Variants in RAB28 observed in about 807,000 individuals in gnomAD.
The protein encoded by RAB28 is ras-related protein Rab-28.
Under a neutral mutation model 31.7 loss-of-function variants are expected in RAB28, and 24 were observed. The ratio of observed to expected loss-of-function variants is 0.76; its 90% CI spans 0.55 to 1.06. The LOEUF (loss-of-function observed/expected upper bound fraction) is 1.06, where lower values mean the gene tolerates loss of function less well. Ranked by LOEUF, RAB28 falls within the 50% of genes least tolerant of loss-of-function variation. RAB28 has a pLI of 0.00. For synonymous variants in RAB28, 100 were observed against 90.4 expected (o/e 1.11, Z -0.60); for missense variants, 254 against 258.5 (o/e 0.98, Z 0.12).
intron 4 of RAB28, among the ~76,000 whole-genome samples, chr4:13,454,386 T>A (rs1210390923): frequency 1.3e-5 from 2 of 152,178 alleles, no homozygotes; most frequent in Non-Finnish European, 2.9e-5. Flanking sequence ...CCTTTAAAGG[T>A]GTCGTTTCCT....
chr4:13,392,259 T>C (rs10001262), intron 4 of RAB28, among the ~76,000 whole-genome samples: 7,974 of 152,212 alleles, frequency 0.052, 419 homozygotes, highest in African/African-American at 0.14. Flanking sequence ...CAGATTTTGA[T>C]GAGTAACAGG....
At chr4:13,407,122 G>C (rs1712144695) in intron 4 of RAB28, among the ~76,000 whole-genome samples, 1 of 152,174 alleles carries the variant, frequency 6.6e-6, no homozygotes, top group South Asian at 2.1e-4. Context: ...TTTTCTTCTA[G>C]GGTATTTATG....
At chr4:13,398,553 C>A (rs969605644) in intron 4 of RAB28, among the ~76,000 whole-genome samples, 5 of 152,080 alleles carry the variant, frequency 3.3e-5, no homozygotes, top group African/African-American at 1.2e-4. Flanking sequence ...CAAAGATGGG[C>A]GGATCACGAG....
At chr4:13,454,201 T>A (rs1172627125) in intron 4 of RAB28, among the ~76,000 whole-genome samples, 1 of 152,190 alleles carries the variant, frequency 6.6e-6, no homozygotes, top group African/African-American at 2.4e-5. Context: ...ATGGGTTATA[T>A]CCATCTCTCT....
chr4:13,444,482 A>G (rs552992001), intron 4 of RAB28, among the ~76,000 whole-genome samples: 71 of 152,264 alleles, frequency 4.7e-4, no homozygotes, highest in African/African-American at 1.4e-3. Context: ...GCTGCAATGA[A>G]CTTGGGAGTA....
intron 4 of RAB28, among the ~76,000 whole-genome samples, chr4:13,430,462 T>G (rs1713752205): frequency 6.6e-6 from 1 of 152,160 alleles, no homozygotes; most frequent in South Asian, 2.1e-4. Flanking sequence ...CTCACCTCTG[T>G]GACAGTCTGC....
Position 13,403,870 on chromosome 4 carries a change from A to G in RAB28, c.392-22276T>C, listed in dbSNP as rs538710202. 5.3e-5 allele frequency among the ~76,000 whole-genome samples: 8 copies of G among 152,354 alleles called. No homozygotes were observed. The East Asian group carries it at 1.5e-3, about 29-fold the overall frequency. On this transcript the variant is annotated intron_variant, in intron 4 of 6. Coordinates refer to ENST00000330852, the MANE Select transcript of RAB28 (RefSeq NM_001017979.3). Reference sequence around the variant, plus strand: ...AATTCCAACATAGTTATACATGTATAATCATCAAAATGCATTTAGCCAAAT... The same window carrying G: ...AATTCCAACATAGTTATACATGTATGATCATCAAAATGCATTTAGCCAAAT...
intron 6 of RAB28, among the ~76,000 whole-genome samples, chr4:13,369,083 T>A (rs1196489801): frequency 6.6e-6 from 1 of 152,302 alleles, no homozygotes; most frequent in Admixed American, 6.5e-5. Flanking sequence ...AAACTTTTCA[T>A]TGAATGTTTA....
chr4:13,439,059 C>T (rs1714277659), intron 4 of RAB28, among the ~76,000 whole-genome samples: 1 of 152,048 alleles, frequency 6.6e-6, no homozygotes, highest in African/African-American at 2.4e-5. Flanking sequence ...TACTTAATGG[C>T]TATTTGTATA....
At chr4:13,439,539 G>A (rs1333785535) in intron 4 of RAB28, among the ~76,000 whole-genome samples, 3 of 152,126 alleles carry the variant, frequency 2.0e-5, no homozygotes, top group Non-Finnish European at 4.4e-5. Context: ...TAGAGATGGG[G>A]TTTCACCATG....
chr4:13,446,596 G>T (rs1343613961), intron 4 of RAB28, among the ~76,000 whole-genome samples: 1 of 152,164 alleles, frequency 6.6e-6, no homozygotes, highest in Non-Finnish European at 1.5e-5. Context: ...TCCCTAGGCT[G>T]GGGGAGGGGG....
rs530241465 is a variant in RAB28, at chr4:13,405,301, G to A, written c.392-23707C>T. On this transcript the variant is annotated intron_variant, in intron 4 of 6. Transcript: ENST00000330852. ...GCTTATTTAAAATTAAGCCCGAGAAGTGTATCTCATGGGTGCAATATGTTC... is the reference window on the plus strand; with the variant it reads ...GCTTATTTAAAATTAAGCCCGAGAAATGTATCTCATGGGTGCAATATGTTC... Among the ~76,000 whole-genome samples the A allele has an allele frequency of 3.3e-5, 5 of 152,262 alleles. No individual in the cohort carries two copies. In the South Asian group the frequency reaches 1.0e-3, roughly 32 times the overall value.
chr4:13,466,893 T>C (rs1386955626), intron 3 of RAB28, among the ~76,000 whole-genome samples: 1 of 151,966 alleles, frequency 6.6e-6, no homozygotes, highest in African/African-American at 2.4e-5. Context: ...TGAATGGAAT[T>C]GGAAAACATT....
At chr4:13,409,187 C>T (rs1712277409) in intron 4 of RAB28, among the ~76,000 whole-genome samples, 2 of 152,034 alleles carry the variant, frequency 1.3e-5, no homozygotes, top group Non-Finnish European at 2.9e-5. Flanking sequence ...CCAAGTCACC[C>T]TCAAAAAGCA....
intron 4 of RAB28, among the ~76,000 whole-genome samples, chr4:13,400,010 A>C (rs1711657318): frequency 6.6e-6 from 1 of 152,202 alleles, no homozygotes. Context: ...TGCCATTAAC[A>C]TTGTAGCCCT....
chr4:13,397,901 A>G (rs1389256576), intron 4 of RAB28, among the ~76,000 whole-genome samples: 1 of 152,124 alleles, frequency 6.6e-6, no homozygotes, highest in Admixed American at 6.5e-5. Context: ...ACATATCCAC[A>G]AACCAACCTA....
intron 4 of RAB28, among the ~76,000 whole-genome samples, chr4:13,389,364 A>T (rs377304147): frequency 6.6e-6 from 1 of 152,148 alleles, no homozygotes; most frequent in Non-Finnish European, 1.5e-5. Flanking sequence ...AAGATGAAAA[A>T]GTTCTGAAGA....
intron 4 of RAB28, among the ~76,000 whole-genome samples, chr4:13,410,367 T>C (rs1208076738): frequency 6.6e-6 from 1 of 152,134 alleles, no homozygotes; most frequent in African/African-American, 2.4e-5. Context: ...ATAAGGGTCT[T>C]AGTTTGCCAA....
intron 4 of RAB28, among the ~76,000 whole-genome samples, chr4:13,447,548 T>G (rs1006392314): frequency 6.6e-6 from 1 of 152,140 alleles, no homozygotes; most frequent in Non-Finnish European, 1.5e-5. Flanking sequence ...ATGTGAAATT[T>G]CAGAAAACAA....
Sources: allele counts gnomAD v4.1 joint callset (sites outside exome capture counted in the v4.1 genomes callset), GRCh38; gene constraint gnomAD v4.1.1; transcripts MANE v1.5; gene names NCBI Gene and HGNC (gene_info 2026-07-23, HGNC 2026-07-21).